Variants in KIAA1328 observed in about 807,000 individuals in gnomAD.
The protein encoded by KIAA1328 is protein hinderin.
In KIAA1328, 52 loss-of-function variants were observed where a neutral mutation model predicts 68.1. That is an observed-to-expected ratio of 0.76 (90% confidence interval 0.61 to 0.96). The LOEUF (loss-of-function observed/expected upper bound fraction) is 0.96, where lower values mean the gene tolerates loss of function less well. Among genes scored for constraint, KIAA1328 ranks in the 40% least tolerant of loss-of-function variants. The pLI is 0.00. For synonymous variants in KIAA1328, 232 were observed against 239.4 expected (o/e 0.97, Z 0.28); for missense variants, 641 against 677.6 (o/e 0.95, Z 0.60).
chr18:36,871,254 C>G (rs1433826185), intron 4 of KIAA1328, among the ~76,000 whole-genome samples: 1 of 152,106 alleles, frequency 6.6e-6, no homozygotes, highest in Non-Finnish European at 1.5e-5. Context: ...AAAATCTAGC[C>G]AAAGGAAAAG....
intron 5 of KIAA1328, among the ~76,000 whole-genome samples, chr18:36,889,153 A>G (rs957300361): frequency 9.9e-5 from 15 of 152,228 alleles, no homozygotes; most frequent in African/African-American, 3.6e-4. Context: ...AGTAACATTC[A>G]GTCTTTAAGC....
At chr18:36,867,403 T>C (rs1033748749) in intron 4 of KIAA1328, among the ~76,000 whole-genome samples, 1 of 152,230 alleles carries the variant, frequency 6.6e-6, no homozygotes, top group South Asian at 2.1e-4. Context: ...GTATTTTCTG[T>C]ACAGCCTGCA....
chr18:36,983,850 T>C (rs2151382126), intron 6 of KIAA1328, among the ~76,000 whole-genome samples: 1 of 152,264 alleles, frequency 6.6e-6, no homozygotes, highest in South Asian at 2.1e-4. Flanking sequence ...GCAAAAATTC[T>C]AAACAAAATT....
chr18:36,900,761 C>A (rs1451694442), intron 5 of KIAA1328, among the ~76,000 whole-genome samples: 1 of 151,948 alleles, frequency 6.6e-6, no homozygotes, highest in African/African-American at 2.4e-5. Context: ...TTCACATCCA[C>A]TTATTTGACA....
intron 5 of KIAA1328, among the ~76,000 whole-genome samples, chr18:36,890,659 A>G (rs2048656411): frequency 6.6e-6 from 1 of 152,210 alleles, no homozygotes; most frequent in African/African-American, 2.4e-5. Flanking sequence ...TGACAAAGTG[A>G]GGCTCCATCT....
chr18:37,083,580 G>C (rs2151807387), intron 7 of KIAA1328, among the ~76,000 whole-genome samples: 1 of 152,304 alleles, frequency 6.6e-6, no homozygotes, highest in East Asian at 1.9e-4. Context: ...GTACATGTCA[G>C]TGTAGGGCTA....
At chr18:37,150,511 T>C (rs1427669887) in intron 7 of KIAA1328, among the ~76,000 whole-genome samples, 1 of 151,168 alleles carries the variant, frequency 6.6e-6, no homozygotes, top group Non-Finnish European at 1.5e-5. Context: ...GTAAAGGCAT[T>C]AGAAGAAAAG....
intron 5 of KIAA1328, among the ~76,000 whole-genome samples, chr18:36,905,975 A>G (rs577754023): frequency 5.9e-5 from 9 of 152,274 alleles, no homozygotes; most frequent in African/African-American, 2.2e-4. Flanking sequence ...GTATAGGTTT[A>G]TAGTGATTTT....
chr18:36,832,576 G>A (rs1487356359), intron 1 of KIAA1328: 1 of 125,716 alleles, frequency 8.0e-6, no homozygotes, highest in Non-Finnish European at 1.6e-5. Context: ...GGCAGAGCGA[G>A]ACTCTGTCTC....
intron 5 of KIAA1328, among the ~76,000 whole-genome samples, chr18:36,938,043 A>G (rs1392219463): frequency 6.6e-6 from 1 of 152,158 alleles, no homozygotes; most frequent in Admixed American, 6.5e-5. Flanking sequence ...ATTGTAGTAA[A>G]TAGTGCTTTA....
intron 6 of KIAA1328, among the ~76,000 whole-genome samples, chr18:37,001,162 TAAAC>T (rs1462581077): frequency 2.0e-5 from 3 of 151,642 alleles, no homozygotes; most frequent in Admixed American, 1.3e-4. Flanking sequence ...AAGATCCAAA[TAAAC>T]AAAGCCAGAA....
chr18:36,848,599 T>TGTTGAATGAAAGTG (rs1748609273), intron 4 of KIAA1328, among the ~76,000 whole-genome samples: 1 of 135,244 alleles, frequency 7.4e-6, no homozygotes, highest in Admixed American at 8.0e-5. Flanking sequence ...TCCAGTACAA[T>TGTTGAATGAAAGTG]GTTGAATGAA....
chr18:36,855,965 G>A (rs1001386139), intron 4 of KIAA1328, among the ~76,000 whole-genome samples: 5 of 151,642 alleles, frequency 3.3e-5, no homozygotes, highest in Admixed American at 6.6e-5. Flanking sequence ...TGGATTGTTA[G>A]TTAACAGGAT....
intron 5 of KIAA1328, among the ~76,000 whole-genome samples, chr18:36,917,498 A>G (rs986511701): frequency 6.6e-6 from 1 of 152,164 alleles, no homozygotes. Context: ...CTGTGATTAT[A>G]GGCTCAAACC....
chr18:37,100,340 A>T (rs890791721), intron 7 of KIAA1328, among the ~76,000 whole-genome samples: 1 of 152,132 alleles, frequency 6.6e-6, no homozygotes, highest in African/African-American at 2.4e-5. Flanking sequence ...CACTTTTCCA[A>T]TGGTCTTAGC....
intron 5 of KIAA1328, among the ~76,000 whole-genome samples, chr18:36,931,831 C>G (rs948245342): frequency 1.1e-3 from 19 of 16,928 alleles, no homozygotes; most frequent in East Asian, 0.05. Context: ...TTAGCTATTT[C>G]ATTTTTTTAA....
At chr18:36,997,971 A>C (rs2053454711) in intron 6 of KIAA1328, among the ~76,000 whole-genome samples, 1 of 152,178 alleles carries the variant, frequency 6.6e-6, no homozygotes, top group Admixed American at 6.5e-5. Context: ...TGTGGCAACC[A>C]AGGCTGGCCT....
At chr18:36,960,688 TC>T (rs1392002429) in intron 6 of KIAA1328, among the ~76,000 whole-genome samples, 1 of 152,172 alleles carries the variant, frequency 6.6e-6, no homozygotes, top group Non-Finnish European at 1.5e-5. Flanking sequence ...GGAGTGGACT[TC>T]CAGCAAACAC....
intron 6 of KIAA1328, among the ~76,000 whole-genome samples, chr18:36,988,300 C>T (rs149114060): frequency 5.9e-4 from 90 of 152,154 alleles, no homozygotes; most frequent in Middle Eastern, 3.4e-3. Context: ...TTGAAGAAGC[C>T]CTGTAAAACC....
Sources: gnomAD v4.1 joint callset for allele counts (sites outside exome capture counted in the v4.1 genomes callset) on GRCh38, gnomAD v4.1.1 for gene constraint, MANE v1.5 for transcripts, NCBI Gene and HGNC (gene_info 2026-07-23, HGNC 2026-07-21) for gene names.